The following SVOPL variants were observed in gnomAD, a reference collection of about 807,000 sequenced individuals.
SVOPL encodes putative transporter SVOPL.
Under a neutral mutation model 61.0 loss-of-function variants are expected in SVOPL, and 60 were observed. The ratio of observed to expected loss-of-function variants is 0.98; its 90% CI spans 0.80 to 1.22. The LOEUF is 1.22. Among genes scored for constraint, SVOPL ranks in the 50% most tolerant of loss-of-function variants. The pLI, the probability that SVOPL is intolerant of heterozygous loss-of-function variation, is 0.00. For synonymous variants in SVOPL, 279 were observed against 250.0 expected (o/e 1.12, Z -1.09); for missense variants, 662 against 643.9 (o/e 1.03, Z -0.30).
chr7:138,602,676 G>A (rs1354838646), intron 14 of SVOPL, among the ~76,000 whole-genome samples: 3 of 150,398 alleles, frequency 2.0e-5, no homozygotes, highest in Non-Finnish European at 4.4e-5. Flanking sequence ...GCCAGCAGGA[G>A]GCTTAAACCA....
chr7:138,663,324 C>T (rs1802085211), intron 4 of SVOPL, 179 bp from the exon 5 acceptor site: 1 of 1,435,932 alleles, frequency 7.0e-7, no homozygotes, highest in South Asian at 1.5e-5. Context: ...AGGATTTCAG[C>T]TCCCTGTTGG....
intron 3 of SVOPL, among the ~76,000 whole-genome samples, chr7:138,672,567 G>C (rs967427454): frequency 6.0e-5 from 9 of 150,816 alleles, no homozygotes; most frequent in Admixed American, 6.0e-4. Context: ...TCTCAAGCTG[G>C]GATAGTAAGA....
At chr7:138,602,034 T>A (rs1798545748) in intron 14 of SVOPL, among the ~76,000 whole-genome samples, 1 of 152,206 alleles carries the variant, frequency 6.6e-6, no homozygotes, top group Non-Finnish European at 1.5e-5. Context: ...AATAACTGTA[T>A]GTTAAATGAT....
chr7:138,648,857 G>C lies in SVOPL; in HGVS notation c.660+155C>G, dbSNP rs139014452. On this transcript the variant is annotated intron_variant, in intron 8 of 15. Coordinates refer to ENST00000674285, the MANE Select transcript of SVOPL (RefSeq NM_001139456.2). ...GAATCACCTGAACCTGGGAGGCAGA[G>C]GCTGCAGTGAGCCGAGATTGCACCT... Among the ~76,000 whole-genome samples the C allele has an allele frequency of 2.0e-5, 3 of 152,302 alleles. No individual in the cohort carries two copies. The East Asian group carries it at 5.8e-4, about 29-fold the overall frequency.
At chr7:138,626,743 G>A (rs539410927) in intron 12 of SVOPL, among the ~76,000 whole-genome samples, 1 of 152,140 alleles carries the variant, frequency 6.6e-6, no homozygotes, top group Admixed American at 6.5e-5. Context: ...CTATTCAAGA[G>A]GCTGAGGCAG....
intron 9 of SVOPL, among the ~76,000 whole-genome samples, chr7:138,642,831 C>CAAAAAAAAAAAAAAAAA (rs749603417): frequency 8.6e-4 from 23 of 26,882 alleles, no homozygotes; most frequent in South Asian, 3.9e-3. Flanking sequence ...CTCCTACCTC[C>CAAAAAAAAAAAAAAAAA]AAAAAAAAAA....
chr7:138,676,397 T>G (rs1802560727), intron 3 of SVOPL, among the ~76,000 whole-genome samples: 1 of 152,194 alleles, frequency 6.6e-6, no homozygotes, highest in Non-Finnish European at 1.5e-5. Flanking sequence ...TGCCAGCAGG[T>G]TCTGCTGCCC....
chr7:138,612,436 T>TAAAAAAAA (rs60800575), intron 14 of SVOPL, among the ~76,000 whole-genome samples: 3 of 17,862 alleles, frequency 1.7e-4, no homozygotes, highest in Non-Finnish European at 3.4e-4. Flanking sequence ...AAATAAAAAA[T>TAAAAAAAA]AAAAAAAAAA....
intron 6 of SVOPL, among the ~76,000 whole-genome samples, chr7:138,658,542 G>A (rs897211485): frequency 2.6e-4 from 40 of 152,076 alleles, no homozygotes; most frequent in African/African-American, 9.7e-4. Flanking sequence ...TTCCCAAAGT[G>A]CTCAGATTAC....
intron 4 of SVOPL, chr7:138,664,219 G>A (rs934178356): frequency 3.3e-6 from 3 of 912,566 alleles, no homozygotes; most frequent in Non-Finnish European, 3.8e-6. Context: ...CCTGGAAGAC[G>A]TCCTGCCTCC....
At chr7:138,637,491 G>T (rs1478570379) in intron 9 of SVOPL, among the ~76,000 whole-genome samples, 1,743 of 15,526 alleles carry the variant, frequency 0.11, 53 homozygotes, top group African/African-American at 0.29. Context: ...GATATAGATA[G>T]ATATATATAT....
At chr7:138,601,646 T>C (rs1303451350) in intron 14 of SVOPL, among the ~76,000 whole-genome samples, 2 of 151,918 alleles carry the variant, frequency 1.3e-5, no homozygotes, top group East Asian at 3.8e-4. Context: ...AAAAAGAAAG[T>C]TTCTAATAAA....
chr7:138,603,430 T>A (rs903652004), intron 14 of SVOPL, among the ~76,000 whole-genome samples: 4 of 152,194 alleles, frequency 2.6e-5, no homozygotes, highest in Non-Finnish European at 5.9e-5. Flanking sequence ...ATGCCTGTAA[T>A]CCCAGCACTT....
intron 1 of SVOPL, among the ~76,000 whole-genome samples, chr7:138,679,525 G>A (rs1333782097): frequency 6.6e-6 from 1 of 152,026 alleles, no homozygotes; most frequent in Admixed American, 6.6e-5. Flanking sequence ...CGCCCACCTC[G>A]GCTTCCCAAA....
chr7:138,699,830 G>C (rs1164791941), intron 1 of SVOPL, among the ~76,000 whole-genome samples: 2 of 152,192 alleles, frequency 1.3e-5, no homozygotes, highest in African/African-American at 4.8e-5. Flanking sequence ...CCCGTCACTT[G>C]TAACACTGGT....
At chr7:138,653,658 CG>C (rs1029644702) in intron 7 of SVOPL, among the ~76,000 whole-genome samples, 15 of 151,948 alleles carry the variant, frequency 9.9e-5, no homozygotes, top group African/African-American at 3.1e-4. Flanking sequence ...AATACAGGGC[CG>C]GGCATGGCGG....
At chr7:138,629,443 G>T (rs1238835774) in intron 10 of SVOPL, among the ~76,000 whole-genome samples, 2 of 151,986 alleles carry the variant, frequency 1.3e-5, no homozygotes, top group African/African-American at 2.4e-5. Context: ...ATGTTGGCCA[G>T]GCTGGTCTCG....
chr7:138,643,061 C>CA (rs2116990986), intron 9 of SVOPL, among the ~76,000 whole-genome samples: 1 of 151,980 alleles, frequency 6.6e-6, no homozygotes, highest in South Asian at 2.1e-4. Flanking sequence ...GGTGATTCCT[C>CA]AAAAAAATTA....
rs146283572 is a variant in SVOPL, at chr7:138,603,102, G to A, written c.1354-6572C>T. Among the ~76,000 whole-genome samples, 937 of 152,132 alleles carry A rather than the reference G, an allele frequency of 6.2e-3. 5 individuals carry two copies. Among genetic ancestry groups the A allele is most frequent in the Non-Finnish European group, 9.5e-3 (643 of 67,994 alleles). On this transcript the variant is annotated intron_variant, in intron 14 of 15. Transcript: ENST00000674285. ...ATATGACTGGAACACACACAGACAT[G>A]CCCAGAGAGACAAAACATATGTATA...
Sources: gnomAD v4.1 joint callset for allele counts (sites outside exome capture counted in the v4.1 genomes callset) on GRCh38, gnomAD v4.1.1 for gene constraint, MANE v1.5 for transcripts, NCBI Gene and HGNC (gene_info 2026-07-23, HGNC 2026-07-21) for gene names.